Variants in DAB1 observed in about 807,000 individuals in gnomAD.
DAB1 encodes the protein DAB adaptor protein 1.
In DAB1, 15 loss-of-function variants were observed where a neutral mutation model predicts 64.6. The ratio of observed to expected loss-of-function variants is 0.23; its 90% CI spans 0.16 to 0.36. DAB1 has a LOEUF of 0.36. Among genes scored for constraint, DAB1 ranks in the 10% least tolerant of loss-of-function variants. The pLI is 1.00. For synonymous variants in DAB1, 235 were observed against 251.9 expected (o/e 0.93, Z 0.64); for missense variants, 596 against 706.7 (o/e 0.84, Z 1.78).
intron 1 of DAB1, among the ~76,000 whole-genome samples, chr1:57,833,171 C>T (rs1253204025): frequency 2.6e-5 from 4 of 151,574 alleles, no homozygotes; most frequent in African/African-American, 7.3e-5. Context: ...TTGTTATTGC[C>T]TATTATCGGT....
At chr1:58,530,419 CTTAAT>C (rs150916150) in intron 1 of DAB1, among the ~76,000 whole-genome samples, 60 of 152,244 alleles carry the variant, frequency 3.9e-4, no homozygotes, top group African/African-American at 1.4e-3. Flanking sequence ...TGTAGTATTC[CTTAAT>C]TTAAATATTC....
chr1:58,208,822 C>A (rs553778521), intron 4 of DAB1, among the ~76,000 whole-genome samples: 1 of 151,900 alleles, frequency 6.6e-6, no homozygotes, highest in South Asian at 2.1e-4. Context: ...ATTGCTGGAT[C>A]AAATGGTAGA....
At chr1:57,976,474 C>T (rs770237628) in intron 5 of DAB1, among the ~76,000 whole-genome samples, 2 of 152,182 alleles carry the variant, frequency 1.3e-5, no homozygotes, top group Non-Finnish European at 2.9e-5. Flanking sequence ...ATTGTGTTTG[C>T]TCAACCAAGT....
rs558659222 is a variant in DAB1, at chr1:57,207,732, C to G, written c.68-62303G>C. On this transcript the variant is annotated intron_variant, in intron 2 of 14. Coordinates refer to ENST00000371236, the MANE Select transcript of DAB1 (RefSeq NM_001365792.1). Reference sequence around the variant, plus strand: ...GTGCTGGGATTACAGGCGTGAGCCACCGCGCCCGGCACCTTATTTCCTTTC... The same window carrying G: ...GTGCTGGGATTACAGGCGTGAGCCAGCGCGCCCGGCACCTTATTTCCTTTC... Among the ~76,000 whole-genome samples the G allele has an allele frequency of 5.3e-5, 8 of 152,276 alleles. No homozygotes were observed. In the South Asian group the frequency reaches 1.7e-3, roughly 32 times the overall value.
chr1:58,381,999 AC>A (rs1191154264), intron 3 of DAB1, among the ~76,000 whole-genome samples: 4 of 151,284 alleles, frequency 2.6e-5, no homozygotes, highest in African/African-American at 9.7e-5. Context: ...GTAGATAGAT[AC>A]TAAAGAAAGG....
At chr1:58,420,938 G>A (rs1644765643) in intron 3 of DAB1, among the ~76,000 whole-genome samples, 1 of 152,154 alleles carries the variant, frequency 6.6e-6, no homozygotes, top group South Asian at 2.1e-4. Context: ...GTGGCTCCCT[G>A]CACCAGGCCT....
At chr1:58,130,805 T>C (rs968801070) in intron 5 of DAB1, among the ~76,000 whole-genome samples, 1 of 152,216 alleles carries the variant, frequency 6.6e-6, no homozygotes, top group African/African-American at 2.4e-5. Context: ...TTCTGGCTTA[T>C]AGGGTTTCTG....
intron 4 of DAB1, among the ~76,000 whole-genome samples, chr1:58,258,723 T>C (rs773566519): frequency 4.6e-5 from 7 of 152,226 alleles, no homozygotes; most frequent in Non-Finnish European, 5.9e-5. Context: ...ACTGACATCA[T>C]TAATTGAATT....
At chr1:57,439,418 G>GTTTTTTTTTTTGTTTTTTTTTGTT in intron 7 of DAB1, among the ~76,000 whole-genome samples, 1 of 116,140 alleles carries the variant, frequency 8.6e-6, no homozygotes, top group African/African-American at 3.5e-5. Flanking sequence ...TGGTGATGAG[G>GTTTTTTTTTTTGTTTTTTTTTGTT]TTTTTTCTTT....
In DAB1 at chr1:57,595,069, T is replaced by C. The variant is rs532181066; in HGVS notation, n.625+54523A>G. 2.8e-4 allele frequency among the ~76,000 whole-genome samples: 43 copies of C among 152,312 alleles called. No homozygotes were observed. In the South Asian group the frequency reaches 8.9e-3, roughly 32 times the overall value. On this transcript the variant is annotated intron_variant and non_coding_transcript_variant, in intron 7 of 20. Coordinates refer to the DAB1 transcript ENST00000485760. ...TAGAATTACATGTTGAATATAGCTG[T>C]TGATTTTTAAAAATCCATTTCTACC...
intron 4 of DAB1, among the ~76,000 whole-genome samples, chr1:57,093,347 T>C (rs1240337307): frequency 6.6e-6 from 1 of 152,186 alleles, no homozygotes; most frequent in Non-Finnish European, 1.5e-5. Flanking sequence ...CACATCACCA[T>C]ATAAGGCAAT....
intron 7 of DAB1, among the ~76,000 whole-genome samples, chr1:57,637,936 T>C (rs750593315): frequency 1.3e-5 from 2 of 152,190 alleles, no homozygotes; most frequent in Admixed American, 6.5e-5. Flanking sequence ...ATTTACTCAA[T>C]GGAATATTAT....
chr1:58,173,842 C>T (rs1570446681), intron 4 of DAB1, among the ~76,000 whole-genome samples: 2 of 152,268 alleles, frequency 1.3e-5, no homozygotes, highest in African/African-American at 4.8e-5. Flanking sequence ...GGAAATCAGA[C>T]CCTATCAGTA....
intron 3 of DAB1, among the ~76,000 whole-genome samples, chr1:58,485,719 C>A (rs1195444367): frequency 1.4e-4 from 22 of 151,916 alleles, no homozygotes; most frequent in Admixed American, 1.4e-3. Flanking sequence ...CAAAAGTGAG[C>A]AAAATTTTCC....
intron 7 of DAB1, among the ~76,000 whole-genome samples, chr1:57,542,950 A>G (rs1457480894): frequency 2.0e-5 from 3 of 152,104 alleles, no homozygotes; most frequent in Non-Finnish European, 4.4e-5. Flanking sequence ...GCCAGCTGCC[A>G]TGTTCTTGAG....
chr1:57,375,609 A>G (rs1680831924), intron 1 of DAB1, among the ~76,000 whole-genome samples: 1 of 152,170 alleles, frequency 6.6e-6, no homozygotes, highest in Non-Finnish European at 1.5e-5. Context: ...TTGAATCCAG[A>G]CAGTCTTGTC....
intron 5 of DAB1, among the ~76,000 whole-genome samples, chr1:57,954,484 A>G (rs1645344982): frequency 6.6e-6 from 1 of 152,124 alleles, no homozygotes; most frequent in Non-Finnish European, 1.5e-5. Flanking sequence ...CTTCAGCCTC[A>G]AGAAGAAAGC....
intron 4 of DAB1, among the ~76,000 whole-genome samples, chr1:58,241,982 A>C (rs186859125): frequency 8.5e-5 from 13 of 152,234 alleles, no homozygotes; most frequent in African/African-American, 3.1e-4. Flanking sequence ...CTACCCATAA[A>C]AGTTAAATCA....
intron 1 of DAB1, among the ~76,000 whole-genome samples, chr1:57,318,529 T>C (rs989545065): frequency 2.6e-5 from 4 of 152,202 alleles, no homozygotes; most frequent in African/African-American, 9.6e-5. Context: ...AGCTACCTCC[T>C]CTGTGTGCAC....
Sources: gnomAD v4.1 joint callset for allele counts (sites outside exome capture counted in the v4.1 genomes callset) on GRCh38, gnomAD v4.1.1 for gene constraint, MANE v1.5 for transcripts, NCBI Gene and HGNC (gene_info 2026-07-23, HGNC 2026-07-21) for gene names.